The following AARS1 variants were observed in gnomAD, a reference collection of about 807,000 sequenced individuals.
AARS1 encodes alanyl-tRNA synthetase 1, also known as alanine--tRNA ligase, cytoplasmic.
AARS1 carries 72 observed loss-of-function variants against 108.9 expected under a neutral mutation model. That is an observed-to-expected ratio of 0.66 (90% CI 0.55 to 0.80). AARS1 has a LOEUF of 0.80. Among genes scored for constraint, AARS1 ranks in the 30% least tolerant of loss-of-function variants. AARS1 has a pLI of 0.00. For missense variants in AARS1, 1,193 were observed against 1,233.2 expected (o/e 0.97, Z 0.49); for synonymous variants, 489 against 465.7 (o/e 1.05, Z -0.64).
intron 4 of AARS1, 127 bp from the exon 5 acceptor site, chr16:70,272,099 C>A: frequency 2.4e-6 from 2 of 836,878 alleles, no homozygotes; most frequent in Middle Eastern, 3.3e-4. Flanking sequence ...GCACTCCAGC[C>A]TAGACAACAG....
At position 70,265,109 on chromosome 16, in the gene AARS1, G is replaced by A; in HGVS notation, c.1348-7C>T. On this transcript the variant is annotated splice_region_variant and splice_polypyrimidine_tract_variant and intron_variant, in intron 10 of 20. Transcript: ENST00000261772. ...CCTTGCCCTGTGATTTCAGCTGTCA[G>A]CAAGAGAAACAAGCATAAGTTACCG... 6.2e-7 allele frequency: 1 copy of A among 1,614,032 alleles called. No individual in the cohort carries two copies. Among genetic ancestry groups the A allele is most frequent in the Middle Eastern group, 1.7e-4 (1 of 6,004 alleles).
In AARS1 at chr16:70,252,384, AT is replaced by A. The variant is rs2152149091; in HGVS notation, c.*336del. 1 of 413,050 alleles carries A rather than the reference AT, an allele frequency of 2.4e-6. No individual in the cohort carries two copies. The highest frequency in any genetic ancestry group is 2.4e-5 in the South Asian group (1 of 42,154). 25.6% of individuals were successfully genotyped at this position (413,050 alleles called of 1,614,324 possible). A position where few individuals can be genotyped will look rare whatever the true frequency, so the allele number is the denominator to read the frequency against. On this transcript the variant is annotated 3_prime_UTR_variant, in exon 21 of 21. Transcript: ENST00000261772. ...GGAAGAGGGATAGAGATCATGCGGCATTAAGTATTGCACGTGGTCCTTTTAT... is the reference window on the plus strand; with the variant it reads ...GGAAGAGGGATAGAGATCATGCGGCATAAGTATTGCACGTGGTCCTTTTAT...
rs1168315305 is a variant in AARS1, at chr16:70,277,027, T to A, written c.272A>T (p.Asp91Val). The change falls in exon 3 of 21, where the codon GAT (aspartate) becomes GTT (valine). Residue 91 changes from aspartate to valine, a missense_variant. Coordinates refer to ENST00000261772, the MANE Select transcript of AARS1 (RefSeq NM_001605.3). ...CTCGAAGAAGGTGTGATGATAGACA[T>A]CCTTGCCCACATCGTCCAGGTCATT... is the stretch of plus-strand genomic sequence containing the variant. ...KHNDLDDVGKDVYHHTFFEML... is the reference protein window; with the variant it reads ...KHNDLDDVGKVVYHHTFFEML... 2 of 1,614,144 alleles carry A rather than the reference T, an allele frequency of 1.2e-6. No individual in the cohort carries two copies. The highest frequency in any genetic ancestry group is 1.7e-6 in the Non-Finnish European group (2 of 1,180,032).
At chr16:70,282,850 G>A in intron 1 of AARS1, 66 bp from the exon 2 acceptor site, 1 of 1,521,670 alleles carries the variant, frequency 6.6e-7, no homozygotes. Context: ...CATTACACAA[G>A]ACTTCTGGCT....
intron 1 of AARS1, among the ~76,000 whole-genome samples, chr16:70,288,881 C>T (rs1012137649): frequency 6.6e-6 from 1 of 152,136 alleles, no homozygotes; most frequent in South Asian, 2.1e-4. Flanking sequence ...GCTATTACAG[C>T]ACATCCTCAG....
intron 4 of AARS1, 61 bp from the exon 5 acceptor site, chr16:70,272,033 G>C: frequency 6.7e-7 from 1 of 1,501,482 alleles, no homozygotes; most frequent in South Asian, 1.1e-5. Flanking sequence ...GCCCAGACTT[G>C]CAACCACCGC....
intron 12 of AARS1, 85 bp downstream of exon 12, chr16:70,262,261 A>G (rs531579775): frequency 1.3e-6 from 2 of 1,534,486 alleles, no homozygotes; most frequent in East Asian, 4.5e-5. Context: ...TCTGCTCCCA[A>G]GGCCTGGAGC....
chr16:70,277,985 C>T (rs1960589978), intron 2 of AARS1, among the ~76,000 whole-genome samples: 1 of 151,756 alleles, frequency 6.6e-6, no homozygotes, highest in Non-Finnish European at 1.5e-5. Flanking sequence ...ACACCTAACC[C>T]CAAGTGATTT....
At chr16:70,270,066 G>A (rs1960360021) in intron 6 of AARS1, 130 bp downstream of exon 6, 1 of 1,173,558 alleles carries the variant, frequency 8.5e-7, no homozygotes. Flanking sequence ...TATTAACAAT[G>A]AAGTAGGCAG....
chr16:70,282,511 A>C (rs1001522470), intron 2 of AARS1, 109 bp downstream of exon 2: 1 of 1,356,802 alleles, frequency 7.4e-7, no homozygotes, highest in African/African-American at 1.4e-5. Flanking sequence ...ACAAGATCAC[A>C]CAGGGAGTGA....
chr16:70,253,548 C>G, intron 19 of AARS1, 166 bp downstream of exon 19: 3 of 1,041,454 alleles, frequency 2.9e-6, no homozygotes. Context: ...TGCCCCTACC[C>G]TGGCCCAGGT....
At position 70,260,035 on chromosome 16, in the gene AARS1, G is replaced by A. The variant is rs12149011; in HGVS notation, c.1786-849C>T. Among the ~76,000 whole-genome samples, 393 of 152,282 alleles carry A rather than the reference G, an allele frequency of 2.6e-3. 2 individuals are homozygous for A. The highest frequency in any genetic ancestry group is 4.4e-3 in the Non-Finnish European group (297 of 68,028). ...GATCTGCTCGCCTCGGCCTCCCAAAGTGCCGGGATTACAGGCATGAGCCAC... is the reference window on the plus strand; with the variant it reads ...GATCTGCTCGCCTCGGCCTCCCAAAATGCCGGGATTACAGGCATGAGCCAC... On this transcript the variant is annotated intron_variant, in intron 13 of 20. Coordinates refer to ENST00000261772, the MANE Select transcript of AARS1 (RefSeq NM_001605.3).
rs755833227 is a variant in AARS1 at position 70,265,023 on chromosome 16, C to T, written c.1427G>A (p.Arg476Gln). ...DIYAIEELRA[R>Q]GLEVTDDSPK... ...GGAATCATCTGTGACCTCCAGACCCCGTGCCCGGAGCTCTTCGATAGCGTA... is the reference window on the plus strand; with the variant it reads ...GGAATCATCTGTGACCTCCAGACCCTGTGCCCGGAGCTCTTCGATAGCGTA... Residue 476 changes from arginine (R) to glutamine (Q), a missense_variant, in exon 11 of 21, where the codon CGG becomes CAG. Transcript: ENST00000261772. 1.9e-6 allele frequency: 3 copies of T among 1,614,182 alleles called. No individual in the cohort carries two copies. The highest frequency in any genetic ancestry group is 8.5e-7 in the Non-Finnish European group (1 of 1,180,038).
At chr16:70,278,290 C>T (rs1033738010) in intron 2 of AARS1, among the ~76,000 whole-genome samples, 1 of 151,746 alleles carries the variant, frequency 6.6e-6, no homozygotes, top group Admixed American at 6.6e-5. Flanking sequence ...CTCAGCTGGG[C>T]GCAGTGGCTC....
At chr16:70,265,358 C>T (rs919513399) in intron 10 of AARS1, 180 bp downstream of exon 10, 25 of 1,092,408 alleles carry the variant, frequency 2.3e-5, no homozygotes, top group Admixed American at 5.8e-5. Context: ...TCAAAAATGT[C>T]TTCAGACATT....
Position 70,271,901 on chromosome 16 carries a change from C to T in AARS1, c.551G>A (p.Cys184Tyr), listed in dbSNP as rs1394048752. 6.2e-7 allele frequency: 1 copy of T among 1,614,174 alleles called. No homozygotes were observed. The highest frequency in any genetic ancestry group is 8.5e-7 in the Non-Finnish European group (1 of 1,180,038). Residue 184 changes from cysteine to tyrosine, a missense_variant, in exon 5 of 21, where the codon TGT becomes TAT. By Grantham distance (194) the Cys-to-Tyr change is radical. Coordinates refer to ENST00000261772, the MANE Select transcript of AARS1 (RefSeq NM_001605.3). ...GTAGTGGATCTCACTGCAAGGACCACAGGGGCCCGTGTCACCCATCTCCCA... is the reference window on the plus strand; with the variant it reads ...GTAGTGGATCTCACTGCAAGGACCATAGGGGCCCGTGTCACCCATCTCCCA... ...NFWEMGDTGP[C>Y]GPCSEIHYDR... is the part of the protein sequence containing the mutation.
chr16:70,272,925 A>C (rs937601675), intron 4 of AARS1, among the ~76,000 whole-genome samples: 13 of 71,130 alleles, frequency 1.8e-4, no homozygotes, highest in Admixed American at 1.1e-3. Flanking sequence ...CACACACACA[A>C]AAGATTGTGC....
chr16:70,253,936 C>T lies in AARS1; in HGVS notation c.2503G>A (p.Ala835Thr), dbSNP rs775304067. The T allele has an allele frequency of 1.9e-6, 3 of 1,614,238 alleles. No homozygotes were observed. Among genetic ancestry groups the T allele is most frequent in the Non-Finnish European group, 2.5e-6 (3 of 1,180,036 alleles). ...VMDDLDRASKADVQKRVLEKT... is the reference protein window; with the variant it reads ...VMDDLDRASKTDVQKRVLEKT... ...GGACTCACTCGTTTCTGGACATCGG[C>T]TTTGCTGGCTCGGTCCAAGTCATCC... is the stretch of plus-strand genomic sequence containing the variant. The change falls in exon 18 of 21, where the codon GCC (alanine) becomes ACC (threonine). Residue 835 changes from alanine (A) to threonine (T), a missense_variant. Physicochemically the swap from Ala to Thr is moderately conservative, Grantham distance 58. Transcript: ENST00000261772.
rs1960032111 is a variant in AARS1 at position 70,258,019 on chromosome 16, TC to T, written c.2177+13del. 1.2e-6 allele frequency: 2 copies of T among 1,613,964 alleles called. No homozygotes were observed. The highest frequency in any genetic ancestry group is 1.3e-5 in the African/African-American group (1 of 74,986). ...GTAGATGACCTGTCTACTCTGCCCC[TC>T]TGCAGTACTCACGTTCCCCCACAGA... On this transcript the variant is annotated intron_variant, in intron 15 of 20. Transcript: ENST00000261772.
Sources: gnomAD v4.1 joint callset for allele counts (sites outside exome capture counted in the v4.1 genomes callset) on GRCh38, gnomAD v4.1.1 for gene constraint, MANE v1.5 for transcripts, NCBI Gene and HGNC (gene_info 2026-07-23, HGNC 2026-07-21) for gene names.